GALNT13: variants seen among roughly 807,000 people sequenced by gnomAD.
GALNT13 encodes UDP-GalNAc:polypeptide N-acetylgalactosaminyltransferase 13.
In GALNT13, 28 loss-of-function variants were observed where a neutral mutation model predicts 64.2. The ratio of observed to expected loss-of-function variants is 0.44; its 90% CI spans 0.32 to 0.60. GALNT13 has a LOEUF of 0.60. Ranked by LOEUF, GALNT13 falls within the 20% of genes least tolerant of loss-of-function variation. The pLI is 0.05. For synonymous variants in GALNT13, 214 were observed against 224.6 expected (o/e 0.95, Z 0.42); for missense variants, 577 against 669.8 (o/e 0.86, Z 1.53).
intron 9 of GALNT13, among the ~76,000 whole-genome samples, chr2:154,328,483 G>T (rs755024315): frequency 6.6e-6 from 1 of 152,016 alleles, no homozygotes; most frequent in Non-Finnish European, 1.5e-5. Context: ...TGTAAATGAT[G>T]CTGCTGTGAT....
the GALNT13 span, among the ~76,000 whole-genome samples, chr2:153,535,376 G>A: frequency 1.3e-5 from 2 of 152,054 alleles, no homozygotes; most frequent in African/African-American, 4.8e-5. Context: ...GTTAAGAGTG[G>A]CAGTTTGGGG....
At chr2:154,241,998 TATTAAG>T in intron 4 of GALNT13, 26 bp from the exon 5 acceptor site, 1 of 1,446,082 alleles carries the variant, frequency 6.9e-7, no homozygotes, top group South Asian at 1.3e-5. Context: ...AAAATGCATT[TATTAAG>T]ATCCCTCTTC....
chr2:153,572,107 C>T, the GALNT13 span, among the ~76,000 whole-genome samples: 2 of 151,464 alleles, frequency 1.3e-5, no homozygotes, highest in African/African-American at 4.8e-5. Context: ...CTTTGTTATC[C>T]CTTCGATCTC....
intron 3 of GALNT13, among the ~76,000 whole-genome samples, chr2:154,106,398 G>C (rs1423178306): frequency 1.3e-5 from 2 of 152,014 alleles, no homozygotes; most frequent in African/African-American, 4.8e-5. Context: ...TTTTGCATAT[G>C]TATGTCCAAG....
chr2:154,066,098 A>G (rs1700448062), intron 3 of GALNT13, among the ~76,000 whole-genome samples: 2 of 152,228 alleles, frequency 1.3e-5, no homozygotes, highest in Non-Finnish European at 2.9e-5. Context: ...TGAAGAATTC[A>G]TCAGCGTCTC....
chr2:153,152,781 A>C, the GALNT13 span, among the ~76,000 whole-genome samples: 1 of 152,152 alleles, frequency 6.6e-6, no homozygotes, highest in Admixed American at 6.5e-5. Flanking sequence ...GTGTATATGT[A>C]CCACATTTTC....
chr2:153,106,493 C>T, the GALNT13 span, among the ~76,000 whole-genome samples: 1 of 152,134 alleles, frequency 6.6e-6, no homozygotes, highest in African/African-American at 2.4e-5. Flanking sequence ...ACAGCAAGCC[C>T]ATCCCTTCTT....
chr2:153,721,186 C>T, the GALNT13 span, among the ~76,000 whole-genome samples: 1 of 148,266 alleles, frequency 6.7e-6, no homozygotes, highest in Non-Finnish European at 1.5e-5. Context: ...AATTTTCAAC[C>T]CAGAATTTCA....
chr2:153,455,678 G>A, the GALNT13 span, among the ~76,000 whole-genome samples: 1 of 152,114 alleles, frequency 6.6e-6, no homozygotes, highest in South Asian at 2.1e-4. Context: ...TATGGTGCTC[G>A]TTTAGCTCTG....
At chr2:153,175,340 G>A in the GALNT13 span, among the ~76,000 whole-genome samples, 6 of 152,182 alleles carry the variant, frequency 3.9e-5, no homozygotes, top group East Asian at 1.2e-3. Flanking sequence ...TCGCAGAGTG[G>A]GAAGAGAGAG....
At chr2:154,103,426 C>T (rs1379505941) in intron 3 of GALNT13, among the ~76,000 whole-genome samples, 1 of 152,038 alleles carries the variant, frequency 6.6e-6, no homozygotes, top group Non-Finnish European at 1.5e-5. Context: ...TCCACTTTCT[C>T]TTGGATGTCT....
At chr2:153,654,221 A>G in the GALNT13 span, among the ~76,000 whole-genome samples, 2 of 152,138 alleles carry the variant, frequency 1.3e-5, no homozygotes, top group African/African-American at 4.8e-5. Flanking sequence ...TCAACAAATA[A>G]TTGGTGTGAA....
chr2:154,127,585 G>A (rs2105535739), intron 3 of GALNT13, among the ~76,000 whole-genome samples: 2 of 151,628 alleles, frequency 1.3e-5, no homozygotes, highest in African/African-American at 4.8e-5. Flanking sequence ...AACAAAAAAA[G>A]GAGAGTCAAT....
At chr2:153,440,730 T>C in the GALNT13 span, among the ~76,000 whole-genome samples, 58 of 152,374 alleles carry the variant, frequency 3.8e-4, no homozygotes, top group African/African-American at 1.0e-3. Flanking sequence ...CATATGTCTG[T>C]TGGCCTCATA....
At chr2:153,727,349 T>C in the GALNT13 span, among the ~76,000 whole-genome samples, 8 of 152,358 alleles carry the variant, frequency 5.3e-5, no homozygotes, top group East Asian at 1.4e-3. Flanking sequence ...TTGTTGTATA[T>C]TTCATTTTGT....
intron 8 of GALNT13, among the ~76,000 whole-genome samples, chr2:154,292,020 C>T (rs781384953): frequency 5.9e-5 from 9 of 152,158 alleles, no homozygotes; most frequent in South Asian, 2.1e-4. Context: ...GCCCCTTACC[C>T]CTCAGGAAGA....
At chr2:153,256,966 G>A in the GALNT13 span, among the ~76,000 whole-genome samples, 1 of 152,256 alleles carries the variant, frequency 6.6e-6, no homozygotes, top group African/African-American at 2.4e-5. Context: ...TCCTTGAGCT[G>A]TGGTGGGCTC....
chr2:154,341,872 A>G (rs1489261046), intron 9 of GALNT13, among the ~76,000 whole-genome samples: 1 of 152,100 alleles, frequency 6.6e-6, no homozygotes. Flanking sequence ...ATAGTAACAG[A>G]TGTCATGAAA....
At chr2:153,669,833 C>T in the GALNT13 span, among the ~76,000 whole-genome samples, 3 of 152,132 alleles carry the variant, frequency 2.0e-5, no homozygotes, top group Admixed American at 2.0e-4. Flanking sequence ...TGCACTTTTC[C>T]CACAGTCTTT....
Sources: allele counts gnomAD v4.1 joint callset (sites outside exome capture counted in the v4.1 genomes callset), GRCh38; gene constraint gnomAD v4.1.1; transcripts MANE v1.5; gene names NCBI Gene and HGNC (gene_info 2026-07-23, HGNC 2026-07-21).